The following ARL2 variants were observed in gnomAD, a reference collection of about 807,000 sequenced individuals.
ARL2 encodes the protein ARF like GTPase 2.
ARL2 carries 11 observed loss-of-function variants against 22.0 expected under a neutral mutation model. The ratio of observed to expected loss-of-function variants is 0.50; its 90% confidence interval spans 0.31 to 0.83. The LOEUF (loss-of-function observed/expected upper bound fraction) is 0.83, where lower values mean the gene tolerates loss of function less well. Among genes scored for constraint, ARL2 ranks in the 40% least tolerant of loss-of-function variants. ARL2 has a pLI of 0.04. For synonymous variants in ARL2, 111 were observed against 100.8 expected (o/e 1.10, Z -0.61); for missense variants, 216 against 243.2 (o/e 0.89, Z 0.74).
intron 1 of ARL2, among the ~76,000 whole-genome samples, chr11:65,015,587 G>A (rs1261883568): frequency 6.6e-6 from 1 of 152,094 alleles, no homozygotes; most frequent in African/African-American, 2.4e-5. Context: ...CGGGGGGGTT[G>A]CCCGCGGGTA....
At chr11:65,021,668 C>T in intron 4 of ARL2, 53 bp from the exon 5 acceptor site, 3 of 1,543,222 alleles carry the variant, frequency 1.9e-6, no homozygotes, top group Non-Finnish European at 2.6e-6. Context: ...GGGCTGACGG[C>T]AGGCAGGGTC....
intron 1 of ARL2, among the ~76,000 whole-genome samples, chr11:65,016,270 G>GC (rs1403131546): frequency 1.6e-5 from 2 of 123,290 alleles, no homozygotes; most frequent in Non-Finnish European, 1.6e-5. Flanking sequence ...TAGCAATTCG[G>GC]GGGGGGGGGA....
intron 3 of ARL2, among the ~76,000 whole-genome samples, chr11:65,019,994 G>A (rs1037639102): frequency 2.8e-4 from 43 of 152,216 alleles, no homozygotes; most frequent in African/African-American, 7.2e-4. Flanking sequence ...AATCAGAGGT[G>A]GACAGTGAGG....
chr11:65,019,895 A>T (rs2136910353), intron 3 of ARL2, among the ~76,000 whole-genome samples: 1 of 152,270 alleles, frequency 6.6e-6, no homozygotes, highest in Middle Eastern at 3.4e-3. Context: ...AGGGCCGTCA[A>T]ATGCTGGTCA....
intron 1 of ARL2, among the ~76,000 whole-genome samples, chr11:65,016,273 G>GGT (rs1554977100): frequency 6.9e-6 from 1 of 145,062 alleles, no homozygotes; most frequent in African/African-American, 2.5e-5. Context: ...CAATTCGGGG[G>GGT]GGGGGGAAAC....
chr11:65,014,280 A>G lies in ARL2; in HGVS notation c.65+8A>G, dbSNP rs1946220385. 2.6e-6 allele frequency: 4 copies of G among 1,547,064 alleles called. No homozygotes were observed. Among genetic ancestry groups the G allele is most frequent in the South Asian group, 1.2e-5 (1 of 83,300 alleles). On this transcript the variant is annotated splice_region_variant and intron_variant, in intron 1 of 4. Transcript: ENST00000246747. ...GCTGCGACTGCTCATGCTGTATCCT[A>G]CCGGACGCCGGAACCGCGAGGGTGG...
chr11:65,021,281 G>T (rs1946324413), intron 4 of ARL2, among the ~76,000 whole-genome samples: 1 of 152,230 alleles, frequency 6.6e-6, no homozygotes, highest in Admixed American at 6.5e-5. Flanking sequence ...ACCACAGTGA[G>T]AAAGAGCAGG....
chr11:65,019,239 CAAAAAA>C, intron 3 of ARL2: 1 of 139,610 alleles, frequency 7.2e-6, no homozygotes, highest in Admixed American at 7.6e-5. Flanking sequence ...GACCCTGTCT[CAAAAAA>C]AAAAAAAAAG....
intron 4 of ARL2, among the ~76,000 whole-genome samples, chr11:65,020,940 T>G (rs2136912710): frequency 6.6e-6 from 1 of 151,326 alleles, no homozygotes; most frequent in African/African-American, 2.4e-5. Context: ...CCCTGCTAGG[T>G]GGCAGGACCT....
At chr11:65,014,332 G>C (rs1317288563) in intron 1 of ARL2, 60 bp downstream of exon 1, 4 of 1,427,794 alleles carry the variant, frequency 2.8e-6, no homozygotes, top group East Asian at 5.9e-5. Flanking sequence ...AGGCGGTGCC[G>C]GGCGCCCCCT....
At chr11:65,021,265 T>C (rs1946324307) in intron 4 of ARL2, among the ~76,000 whole-genome samples, 1 of 152,222 alleles carries the variant, frequency 6.6e-6, no homozygotes, top group Non-Finnish European at 1.5e-5. Flanking sequence ...ATTCTAGTGC[T>C]CAAGCACCAC....
chr11:65,021,697 C>G (rs752966863), intron 4 of ARL2, 24 bp from the exon 5 acceptor site: 2 of 1,582,112 alleles, frequency 1.3e-6, no homozygotes, highest in Non-Finnish European at 8.6e-7. Context: ...CTGGCCACCA[C>G]CATCAGCACC....
Position 65,018,989 on chromosome 11 carries a change from C to T in ARL2, c.339+256C>T. On this transcript the variant is annotated intron_variant, in intron 3 of 4. Transcript: ENST00000246747. The surrounding 1 kb of genome is among the most constrained non-coding windows in gnomAD (Gnocchi z 4.2). ...TGCCTTGAAATGGTGATGATGACAC[C>T]CACATCACTGGGCTTTAGGGAGGAT... 7.0e-7 allele frequency: 1 copy of T among 1,435,568 alleles called. No homozygotes were observed. The highest frequency in any genetic ancestry group is 9.3e-7 in the Non-Finnish European group (1 of 1,077,450). 88.9% of individuals were successfully genotyped at this position (1,435,568 alleles called of 1,614,324 possible).
intron 1 of ARL2, among the ~76,000 whole-genome samples, chr11:65,016,549 A>T (rs1220876070): frequency 6.6e-6 from 1 of 151,978 alleles, no homozygotes; most frequent in Non-Finnish European, 1.5e-5. Flanking sequence ...GAGGTCATGG[A>T]AGTTTCTGGC....
At chr11:65,021,699 A>G (rs373311122) in intron 4 of ARL2, 22 bp from the exon 5 acceptor site, 13 of 1,584,906 alleles carry the variant, frequency 8.2e-6, no homozygotes, top group African/African-American at 5.4e-5. Context: ...GGCCACCACC[A>G]TCAGCACCTT....
intron 4 of ARL2, among the ~76,000 whole-genome samples, chr11:65,020,869 C>CAA (rs58186585): frequency 1.3e-4 from 9 of 68,080 alleles, no homozygotes; most frequent in Middle Eastern, 7.8e-3. Context: ...GACTTCGTCT[C>CAA]AAAAAAAAAA....
At chr11:65,020,753 C>T (rs920397361) in intron 4 of ARL2, among the ~76,000 whole-genome samples, 17 of 151,752 alleles carry the variant, frequency 1.1e-4, no homozygotes, top group Admixed American at 6.6e-5. Flanking sequence ...CCTGTAAGCC[C>T]AGCTACTCAG....
At chr11:65,020,903 T>C (rs537170913) in intron 4 of ARL2, among the ~76,000 whole-genome samples, 33 of 150,152 alleles carry the variant, frequency 2.2e-4, no homozygotes, top group Admixed American at 7.9e-4. Context: ...AGTAAAATAA[T>C]AATAAGAAAA....
rs1946281063 is a variant in ARL2, at chr11:65,018,156, G to C, written c.66-208G>C. Among the ~76,000 whole-genome samples the C allele has an allele frequency of 1.3e-5, 2 of 152,168 alleles. No individual in the cohort carries two copies. The highest frequency in any genetic ancestry group is 1.3e-4 in the Admixed American group (2 of 15,274). On this transcript the variant is annotated intron_variant, in intron 1 of 4. Coordinates refer to ENST00000246747, the MANE Select transcript of ARL2 (RefSeq NM_001667.4). This position sits in a 1 kb window ranked among gnomAD's most constrained non-coding sequence, Gnocchi z 4.2. Reference sequence around the variant, plus strand: ...CCAGAAGAGGGTCTGGCACATAGTAGGTGTTCAACAAATTAAGGAGCCTTT... The same window carrying C: ...CCAGAAGAGGGTCTGGCACATAGTACGTGTTCAACAAATTAAGGAGCCTTT...
Sources: gnomAD v4.1 joint callset for allele counts (sites outside exome capture counted in the v4.1 genomes callset) on GRCh38, gnomAD v4.1.1 for gene constraint, Gnocchi (gnomAD v3.1) non-coding constraint, MANE v1.5 for transcripts, NCBI Gene and HGNC (gene_info 2026-07-23, HGNC 2026-07-21) for gene names.